Variants in TENM2 observed in about 807,000 individuals in gnomAD.
TENM2 encodes the protein teneurin-2.
TENM2 carries 52 observed loss-of-function variants against 245.2 expected under a neutral mutation model. The observed-to-expected ratio is 0.21, with a 90% confidence interval of 0.17 to 0.27. The LOEUF (loss-of-function observed/expected upper bound fraction) is 0.27. Among genes scored for constraint, TENM2 ranks in the 10% least tolerant of loss-of-function variants. The pLI, the probability that TENM2 is intolerant of heterozygous loss-of-function variation, is 1.00. For missense variants in TENM2, 3,046 were observed against 3,666.8 expected (o/e 0.83, Z 4.37); for synonymous variants, 1,363 against 1,438.9 (o/e 0.95, Z 1.19).
At chr5:167,839,891 C>T (rs1297328058) in intron 2 of TENM2, among the ~76,000 whole-genome samples, 2 of 152,176 alleles carry the variant, frequency 1.3e-5, no homozygotes, top group East Asian at 1.9e-4. Context: ...GGTCTTGGCT[C>T]ACTGCAACCT....
chr5:167,227,049 T>A, the TENM2 span, among the ~76,000 whole-genome samples: 1 of 152,078 alleles, frequency 6.6e-6, no homozygotes, highest in Non-Finnish European at 1.5e-5. Context: ...CTATTTGCAT[T>A]GAATATCTTT....
At chr5:167,635,650 T>C (rs989061653) in intron 2 of TENM2, among the ~76,000 whole-genome samples, 9 of 133,456 alleles carry the variant, frequency 6.7e-5, no homozygotes. Context: ...TTTTTTTTTT[T>C]TTTTTTTTTT....
At chr5:167,411,073 A>G (rs78783332) in intron 2 of TENM2, among the ~76,000 whole-genome samples, 3,186 of 152,198 alleles carry the variant, frequency 0.021, 97 homozygotes, top group East Asian at 0.12. Context: ...TTGTTGTGCA[A>G]TAGAAGAGCA....
At chr5:167,074,938 G>A in the TENM2 span, among the ~76,000 whole-genome samples, 1 of 152,166 alleles carries the variant, frequency 6.6e-6, no homozygotes, top group Non-Finnish European at 1.5e-5. Context: ...AAGGCAAGGT[G>A]AATAGTTCAC....
chr5:167,142,137 A>G, the TENM2 span, among the ~76,000 whole-genome samples: 1 of 152,132 alleles, frequency 6.6e-6, no homozygotes, highest in Admixed American at 6.6e-5. Context: ...GAATGTCGCT[A>G]TGTGTGTGTA....
At chr5:168,160,793 A>G (rs1393920426) in intron 12 of TENM2, among the ~76,000 whole-genome samples, 3 of 152,098 alleles carry the variant, frequency 2.0e-5, no homozygotes, top group African/African-American at 4.8e-5. Flanking sequence ...GCTGAGGCTG[A>G]GGCTGGAGGG....
chr5:167,383,728 T>TAAAAAAAAAAAAAAAAAAAAAAAAAAAA (rs10549785), intron 2 of TENM2, among the ~76,000 whole-genome samples: 2 of 110,418 alleles, frequency 1.8e-5, no homozygotes, highest in Non-Finnish European at 3.8e-5. Context: ...TGGTGCAGGA[T>TAAAAAAAAAAAAAAAAAAAAAAAAAAAA]AAAAAAAAAA....
intron 4 of TENM2, among the ~76,000 whole-genome samples, chr5:167,958,722 T>G (rs1380451585): frequency 6.6e-6 from 1 of 152,200 alleles, no homozygotes; most frequent in Non-Finnish European, 1.5e-5. Flanking sequence ...AGGATTTTAT[T>G]TCTCCTTTGC....
the TENM2 span, among the ~76,000 whole-genome samples, chr5:167,080,750 T>G: frequency 1.3e-5 from 2 of 152,178 alleles, no homozygotes; most frequent in African/African-American, 4.8e-5. Flanking sequence ...GTGCTGTATA[T>G]TCCTGAAAAA....
chr5:167,124,154 T>G, the TENM2 span, among the ~76,000 whole-genome samples: 6 of 152,332 alleles, frequency 3.9e-5, no homozygotes, highest in African/African-American at 1.4e-4. Context: ...GGACTTCAGA[T>G]TCCTCATCCA....
At chr5:167,560,698 T>C (rs542190822) in intron 2 of TENM2, among the ~76,000 whole-genome samples, 1 of 152,366 alleles carries the variant, frequency 6.6e-6, no homozygotes, top group East Asian at 1.9e-4. Flanking sequence ...GGCATGGTGC[T>C]AATTGGTTCA....
intron 3 of TENM2, among the ~76,000 whole-genome samples, chr5:167,919,281 T>C (rs906365887): frequency 1.3e-5 from 2 of 152,206 alleles, no homozygotes; most frequent in African/African-American, 4.8e-5. Flanking sequence ...GGTTGTGCTG[T>C]CGAGAGTGTG....
At chr5:167,452,942 TA>T (rs1347361928) in intron 2 of TENM2, among the ~76,000 whole-genome samples, 2 of 5,582 alleles carry the variant, frequency 3.6e-4, no homozygotes, top group Non-Finnish European at 6.5e-4. Flanking sequence ...TATATATATA[TA>T]TATATATATA....
intron 3 of TENM2, among the ~76,000 whole-genome samples, chr5:167,925,234 A>T: frequency 6.6e-6 from 1 of 152,216 alleles, no homozygotes; most frequent in East Asian, 1.9e-4. Context: ...GCATGGATCA[A>T]CCTCAAAAAT....
chr5:168,190,459 G>T lies in TENM2; in HGVS notation c.2692G>T (p.Ala898Ser), dbSNP rs755244663. 3.1e-6 allele frequency: 5 copies of T among 1,613,812 alleles called. No individual in the cohort carries two copies. In the African/African-American group the frequency reaches 6.7e-5, roughly 22 times the overall value. ...TCAGCAGGGCCAGACGGATTGGCCC[G>T]CAGTGAAGTCCTTCTATGACCGTAT... is the stretch of plus-strand genomic sequence containing the variant. Residue 898 changes from alanine to serine, a missense_variant, in exon 14 of 29, where the codon GCA (alanine) becomes TCA (serine). Around this residue, in one of 2 missense-constraint regions of TENM2, gnomAD observed 2,704 missense variants for 3,331.9 expected, o/e 0.81. Transcript: ENST00000518659.
chr5:167,651,881 G>C (rs1754492832), intron 2 of TENM2, among the ~76,000 whole-genome samples: 1 of 152,146 alleles, frequency 6.6e-6, no homozygotes, highest in Non-Finnish European at 1.5e-5. Context: ...TCTTGAACAA[G>C]ATATACTGAA....
the TENM2 span, among the ~76,000 whole-genome samples, chr5:167,054,336 G>A: frequency 2.6e-5 from 4 of 152,090 alleles, no homozygotes; most frequent in African/African-American, 9.7e-5. Flanking sequence ...ATGCATTTAA[G>A]TTTTCTCCAT....
chr5:167,237,499 G>A, the TENM2 span, among the ~76,000 whole-genome samples: 539 of 151,670 alleles, frequency 3.6e-3, 5 homozygotes, highest in African/African-American at 0.012. Context: ...GGTAAAATAT[G>A]TTGAACTTAA....
rs1443768999 is a variant in TENM2 at position 168,218,612 on chromosome 5, A to C, written c.4721A>C (p.Lys1574Thr). The C allele has an allele frequency of 5.0e-6, 8 of 1,613,884 alleles. No homozygotes were observed. The highest frequency in any genetic ancestry group is 6.8e-6 in the Non-Finnish European group (8 of 1,179,896). The stretch of plus-strand genomic sequence containing the variant: ...CGGATCAGGGCGGTCAGCAAGAACA[A>C]GCCTGTTCTTAATGCCTTCAACCAG... Residue 1574 changes from lysine to threonine, a missense_variant, in exon 23 of 29, where the codon AAG becomes ACG. Coordinates refer to ENST00000518659, the Ensembl canonical transcript of TENM2. The surrounding 1 kb of genome is among the most constrained non-coding windows in gnomAD (Gnocchi z 5.2).
Sources: allele counts gnomAD v4.1 joint callset (sites outside exome capture counted in the v4.1 genomes callset), GRCh38; gene constraint gnomAD v4.1.1; regional missense constraint gnomAD v4.1.1; non-coding constraint Gnocchi (gnomAD v3.1); transcripts MANE v1.5; gene names NCBI Gene and HGNC (gene_info 2026-07-23, HGNC 2026-07-21).